The following RALGPS1 variants were observed in gnomAD, a reference collection of about 807,000 sequenced individuals.
RALGPS1 encodes the protein Ral GEF with PH domain and SH3 binding motif 1.
In RALGPS1, 19 loss-of-function variants were observed where a neutral mutation model predicts 78.8. The ratio of observed to expected loss-of-function variants is 0.24; its 90% CI spans 0.17 to 0.35. The LOEUF (loss-of-function observed/expected upper bound fraction) is 0.35, where lower values mean the gene tolerates loss of function less well. Among genes scored for constraint, RALGPS1 ranks in the 10% least tolerant of loss-of-function variants. The pLI, the probability that RALGPS1 is intolerant of heterozygous loss-of-function variation, is 1.00. For synonymous variants in RALGPS1, 228 were observed against 256.3 expected (o/e 0.89, Z 1.06); for missense variants, 454 against 688.3 (o/e 0.66, Z 3.81).
intron 1 of RALGPS1, among the ~76,000 whole-genome samples, chr9:126,940,560 C>G (rs1410103268): frequency 6.6e-6 from 1 of 151,838 alleles, no homozygotes; most frequent in East Asian, 1.9e-4. Context: ...CTGCCTCAGC[C>G]TCCTGAGTAG....
intron 4 of RALGPS1, among the ~76,000 whole-genome samples, chr9:126,983,519 T>C (rs1326206457): frequency 6.6e-6 from 1 of 152,176 alleles, no homozygotes; most frequent in African/African-American, 2.4e-5. Flanking sequence ...TTATCACACT[T>C]AACAAAATTA....
In RALGPS1 at chr9:127,088,928, G is replaced by T. The variant is rs1351833364; in HGVS notation, c.610+19572G>T. 1.9e-6 allele frequency: 3 copies of T among 1,614,196 alleles called. No individual in the cohort carries two copies. The South Asian group carries it at 3.3e-5, about 18-fold the overall frequency. On this transcript the variant is annotated intron_variant, in intron 8 of 18. Transcript: ENST00000259351. ...GGCAATGGCCACGAGAGGTCAGGAG[G>T]GGGAGCTGGCTTAGTGGAAGGTGTT...
intron 11 of RALGPS1, 104 bp downstream of exon 11, chr9:127,174,886 C>G (rs1269596041): frequency 1.0e-6 from 1 of 964,952 alleles, no homozygotes; most frequent in Admixed American, 1.8e-5. Flanking sequence ...AAGTTTGCAG[C>G]TTAGCAGACT....
intron 4 of RALGPS1, among the ~76,000 whole-genome samples, chr9:126,999,355 C>A (rs2043074292): frequency 6.6e-6 from 1 of 152,160 alleles, no homozygotes; most frequent in Non-Finnish European, 1.5e-5. Flanking sequence ...CCATAGTTTT[C>A]ATTAGAGTTA....
chr9:127,059,875 C>CT (rs2049053074), intron 7 of RALGPS1, among the ~76,000 whole-genome samples: 1 of 152,062 alleles, frequency 6.6e-6, no homozygotes, highest in Non-Finnish European at 1.5e-5. Flanking sequence ...GTATGGTAGA[C>CT]TGAGAAATAA....
chr9:126,953,387 G>T (rs139548734), intron 1 of RALGPS1, among the ~76,000 whole-genome samples: 13 of 152,076 alleles, frequency 8.5e-5, no homozygotes, highest in Non-Finnish European at 1.3e-4. Flanking sequence ...GTGTGTGTGT[G>T]TGTGCGCGTG....
chr9:127,213,431 ACT>A (rs1380375456), intron 17 of RALGPS1, among the ~76,000 whole-genome samples: 1 of 152,014 alleles, frequency 6.6e-6, no homozygotes, highest in Non-Finnish European at 1.5e-5. Context: ...GTGCCATAAG[ACT>A]CTGGCAGTGT....
At position 126,990,212 on chromosome 9, in the gene RALGPS1, T is replaced by C. The variant is rs1341273629; in HGVS notation, c.216+12467T>C. 3.8e-5 allele frequency: 22 copies of C among 575,384 alleles called. No individual in the cohort carries two copies. In the Admixed American group the frequency reaches 6.7e-4, roughly 17 times the overall value. The allele number at this position is 575,384 out of a possible 1,614,324, so 35.6% of individuals were successfully genotyped here. A position where few individuals can be genotyped will look rare whatever the true frequency, so the allele number is the denominator to read the frequency against. On this transcript the variant is annotated intron_variant, in intron 4 of 18. Coordinates refer to ENST00000259351, the MANE Select transcript of RALGPS1 (RefSeq NM_014636.3). ...GTTTCCCTGACATCATTAAAACCCC[T>C]CTCTCAGGTCACATGCTGGGCAGTT...
At position 127,205,423 on chromosome 9, in the gene RALGPS1, C is replaced by T. The variant is rs1351517211; in HGVS notation, c.1247+6357C>T. Among the ~76,000 whole-genome samples the T allele has an allele frequency of 6.6e-6, 1 of 152,240 alleles. No homozygotes were observed. The highest frequency in any genetic ancestry group is 1.5e-5 in the Non-Finnish European group (1 of 68,034). On this transcript the variant is annotated intron_variant, in intron 14 of 18. Coordinates refer to ENST00000259351, the MANE Select transcript of RALGPS1 (RefSeq NM_014636.3). The surrounding 1 kb of genome is among the most constrained non-coding windows in gnomAD (Gnocchi z 4.0). Reference sequence around the variant, plus strand: ...CACTAAAGTCTGGCAGTTGAGGCTCCAGCCAGCAGACTGAGAGAAGTCTGC... The same window carrying T: ...CACTAAAGTCTGGCAGTTGAGGCTCTAGCCAGCAGACTGAGAGAAGTCTGC...
At position 127,212,032 on chromosome 9, in the gene RALGPS1, C is replaced by T; in HGVS notation, c.1248-99C>T. 3.2e-6 allele frequency: 3 copies of T among 927,144 alleles called. No individual in the cohort carries two copies. Among genetic ancestry groups the T allele is most frequent in the Non-Finnish European group, 4.8e-6 (3 of 619,686 alleles). The allele number at this position is 927,144 out of a possible 1,614,324, so 57.4% of individuals were successfully genotyped here. ...CGTTAAGTCTGGACTGCTGGGATGT[C>T]ATGGACTTGGTAGTGGGGCACCTGT... On this transcript the variant is annotated intron_variant, in intron 14 of 18. Coordinates refer to ENST00000259351, the MANE Select transcript of RALGPS1 (RefSeq NM_014636.3). The surrounding 1 kb of genome is among the most constrained non-coding windows in gnomAD (Gnocchi z 6.0).
chr9:126,952,628 T>TGA (rs34773282), intron 1 of RALGPS1, among the ~76,000 whole-genome samples: 3,319 of 138,890 alleles, frequency 0.024, 96 homozygotes, highest in African/African-American at 0.067. Context: ...TGGCTGTGGC[T>TGA]GAGAGAGAGA....
chr9:127,078,761 G>A (rs1197967610), intron 8 of RALGPS1, among the ~76,000 whole-genome samples: 3 of 152,154 alleles, frequency 2.0e-5, no homozygotes, highest in Non-Finnish European at 4.4e-5. Context: ...AAGAAAAAGT[G>A]TTTTCATGGT....
intron 8 of RALGPS1, among the ~76,000 whole-genome samples, chr9:127,119,974 A>C (rs887105823): frequency 6.6e-6 from 1 of 152,222 alleles, no homozygotes; most frequent in South Asian, 2.1e-4. Flanking sequence ...TCACCTTTTC[A>C]AAATGCTTCC....
chr9:127,197,324 A>G (rs1288929232), intron 13 of RALGPS1, among the ~76,000 whole-genome samples: 1 of 152,170 alleles, frequency 6.6e-6, no homozygotes, highest in Non-Finnish European at 1.5e-5. Context: ...TACTGCCGTC[A>G]GGCCAGTGTG....
At chr9:127,162,571 G>A (rs1263338643) in intron 8 of RALGPS1, among the ~76,000 whole-genome samples, 4 of 152,152 alleles carry the variant, frequency 2.6e-5, no homozygotes, top group Admixed American at 1.3e-4. Flanking sequence ...CCACATCACT[G>A]GAGCCAGGAG....
intron 1 of RALGPS1, among the ~76,000 whole-genome samples, chr9:126,919,948 C>G (rs1273683897): frequency 6.6e-6 from 1 of 152,192 alleles, no homozygotes; most frequent in African/African-American, 2.4e-5. Context: ...AATGCCTCCT[C>G]AGCTCAAATT....
chr9:127,015,782 C>T (rs1445188828), intron 4 of RALGPS1, among the ~76,000 whole-genome samples: 1 of 152,014 alleles, frequency 6.6e-6, no homozygotes, highest in Non-Finnish European at 1.5e-5. Flanking sequence ...CCCATTTGTT[C>T]CCCTCTTCTC....
intron 8 of RALGPS1, among the ~76,000 whole-genome samples, chr9:127,086,816 C>T (rs568053872): frequency 1.3e-5 from 2 of 152,246 alleles, no homozygotes; most frequent in East Asian, 3.9e-4. Flanking sequence ...GGAGACAGTT[C>T]TAGCAGCTAG....
chr9:127,088,855 G>A, intron 8 of RALGPS1: 1 of 1,503,576 alleles, frequency 6.7e-7, no homozygotes, highest in Non-Finnish European at 9.2e-7. Context: ...ATGAACTGGT[G>A]AGGAGTTGTT....
Sources: allele counts gnomAD v4.1 joint callset (sites outside exome capture counted in the v4.1 genomes callset), GRCh38; gene constraint gnomAD v4.1.1; non-coding constraint Gnocchi (gnomAD v3.1); transcripts MANE v1.5; gene names NCBI Gene and HGNC (gene_info 2026-07-23, HGNC 2026-07-21).